Variants in VWA3B observed in about 807,000 individuals in gnomAD.
VWA3B encodes von Willebrand factor A domain containing 3B.
VWA3B carries 138 observed loss-of-function variants against 158.3 expected under a neutral mutation model. The observed-to-expected ratio is 0.87, with a 90% CI of 0.76 to 1.00. VWA3B has a LOEUF of 1.00. Among genes scored for constraint, VWA3B ranks in the 50% least tolerant of loss-of-function variants. The pLI is 0.00. For missense variants in VWA3B, 1,555 were observed against 1,565.1 expected, an observed-to-expected ratio of 0.99 and a Z score of 0.11; for synonymous variants, 596 against 587.3, an observed-to-expected ratio of 1.01 and a Z score of -0.21.
Position 98,221,438 on chromosome 2 carries a change from G to A in VWA3B, c.2019+3410G>A, listed in dbSNP as rs554489787. Among the ~76,000 whole-genome samples, 4 of 152,326 alleles carry A rather than the reference G, an allele frequency of 2.6e-5. No individual in the cohort carries two copies. In the South Asian group the frequency reaches 8.3e-4, roughly 32 times the overall value. ...CTGCATCCCCTCCCCTGGGATTTCA[G>A]TGGTGCCAAACAGGGAGTTAATCTT... is the stretch of plus-strand genomic sequence containing the variant. On this transcript the variant is annotated intron_variant, in intron 14 of 27. Transcript: ENST00000477737.
In VWA3B at chr2:98,228,352, T is replaced by C. The variant is rs201759387; in HGVS notation, c.2150+20T>C. 16 of 1,607,860 alleles carry C rather than the reference T, an allele frequency of 1.0e-5. No homozygotes were observed. Among genetic ancestry groups the C allele is most frequent in the Non-Finnish European group, 1.3e-5 (15 of 1,176,870 alleles). On this transcript the variant is annotated intron_variant, in intron 15 of 27. Transcript: ENST00000477737. The stretch of plus-strand genomic sequence containing the variant: ...CAGCAAGTGAGCACCTCTGCCCGCC[T>C]GTCTCCCTGCGCTGAGGCCTCTTGA...
chr2:98,219,240 A>C (rs987652214), intron 14 of VWA3B, among the ~76,000 whole-genome samples: 13 of 152,228 alleles, frequency 8.5e-5, no homozygotes, highest in African/African-American at 3.1e-4. Context: ...TTAGAGCATT[A>C]AAACTGTTCT....
At chr2:98,090,080 T>C (rs1682168901) in intron 1 of VWA3B, among the ~76,000 whole-genome samples, 1 of 152,092 alleles carries the variant, frequency 6.6e-6, no homozygotes, top group African/African-American at 2.4e-5. Flanking sequence ...TTGTAGGAGG[T>C]GGGTGTGTTT....
chr2:98,108,999 T>C (rs562430069), intron 2 of VWA3B, among the ~76,000 whole-genome samples: 33 of 150,402 alleles, frequency 2.2e-4, no homozygotes, highest in South Asian at 1.0e-3. Context: ...CTTTTCTTTT[T>C]TTTTTTTTTT....
At chr2:98,101,060 G>C (rs559849282) in intron 2 of VWA3B, among the ~76,000 whole-genome samples, 1 of 152,206 alleles carries the variant, frequency 6.6e-6, no homozygotes, top group African/African-American at 2.4e-5. Flanking sequence ...TTTACTGATA[G>C]CCCAGCCAAT....
chr2:98,322,980 C>T, the VWA3B span, among the ~76,000 whole-genome samples: 1 of 151,342 alleles, frequency 6.6e-6, no homozygotes, highest in Non-Finnish European at 1.5e-5. Flanking sequence ...CGAAAAACAA[C>T]CACACACACA....
rs1182449954 is a variant in VWA3B, at chr2:98,236,585, T to C, written c.2528T>C (p.Val843Ala). ...CCTTGTGTTCTTAGTTCTTCAGATGTGTCTTCAGAAAACTGGCTGAAGACC... is the reference window on the plus strand; with the variant it reads ...CCTTGTGTTCTTAGTTCTTCAGATGCGTCTTCAGAAAACTGGCTGAAGACC... ...SQVYDHDSSD[V>A]SSENWLKTYG... The change falls in exon 19 of 28, where the codon GTG becomes GCG. Residue 843 changes from valine (V) to alanine (A), a missense_variant. Physicochemically the swap from Val to Ala is moderately conservative, Grantham distance 64. Transcript: ENST00000477737. The C allele has an allele frequency of 6.2e-7, 1 of 1,614,220 alleles. No individual in the cohort carries two copies. The highest frequency in any genetic ancestry group is 1.1e-5 in the South Asian group (1 of 91,074).
In VWA3B at chr2:98,131,736, C is replaced by T. The variant is rs183771931; in HGVS notation, c.873-2088C>T. ...ATACAGAGGCCAGGCTTCACCTTGC[C>T]GGCTCATTCCACGTCATAGAGAGAG... is the stretch of plus-strand genomic sequence containing the variant. On this transcript the variant is annotated intron_variant, in intron 6 of 27. Coordinates refer to ENST00000477737, the MANE Select transcript of VWA3B (RefSeq NM_144992.5). Among the ~76,000 whole-genome samples, 4 of 152,208 alleles carry T rather than the reference C, an allele frequency of 2.6e-5. No individual in the cohort carries two copies. In the East Asian group the frequency reaches 7.7e-4, roughly 29 times the overall value.
intron 26 of VWA3B, among the ~76,000 whole-genome samples, chr2:98,310,683 A>G (rs566247789): frequency 6.6e-6 from 1 of 152,328 alleles, no homozygotes; most frequent in African/African-American, 2.4e-5. Flanking sequence ...GTACCCTTGA[A>G]GCATGATTCC....
chr2:98,219,566 A>C (rs1341025160), intron 14 of VWA3B, among the ~76,000 whole-genome samples: 6 of 152,252 alleles, frequency 3.9e-5, no homozygotes, highest in African/African-American at 1.4e-4. Context: ...GATTATGGCT[A>C]TAAACACACA....
At chr2:98,279,066 G>A (rs1204916594) in intron 22 of VWA3B, among the ~76,000 whole-genome samples, 4 of 152,152 alleles carry the variant, frequency 2.6e-5, no homozygotes, top group African/African-American at 9.7e-5. Context: ...GAGTGAAGCT[G>A]AAATCCCAGA....
At chr2:98,224,044 C>A (rs542292614) in intron 14 of VWA3B, among the ~76,000 whole-genome samples, 26 of 152,242 alleles carry the variant, frequency 1.7e-4, no homozygotes, top group African/African-American at 5.5e-4. Flanking sequence ...ACAAAACTAT[C>A]CTTCAAGGAT....
At chr2:98,170,281 A>C (rs1679471320) in intron 8 of VWA3B, among the ~76,000 whole-genome samples, 1 of 152,234 alleles carries the variant, frequency 6.6e-6, no homozygotes, top group Non-Finnish European at 1.5e-5. Context: ...AGAAATCATT[A>C]GTCGAATCAC....
At chr2:98,114,611 C>A (rs1321126807) in intron 2 of VWA3B, among the ~76,000 whole-genome samples, 4 of 152,180 alleles carry the variant, frequency 2.6e-5, no homozygotes, top group African/African-American at 4.8e-5. Context: ...CAAGTACCAC[C>A]ATTCTGTCTC....
chr2:98,247,687 T>G (rs1574189355), intron 19 of VWA3B, among the ~76,000 whole-genome samples: 1 of 152,132 alleles, frequency 6.6e-6, no homozygotes, highest in African/African-American at 2.4e-5. Flanking sequence ...TTGTTTGAGT[T>G]GCTTTTAAGA....
intron 19 of VWA3B, among the ~76,000 whole-genome samples, chr2:98,243,500 A>AT (rs1314948357): frequency 6.6e-6 from 1 of 151,734 alleles, no homozygotes. Context: ...TGCCTGACTA[A>AT]TTTTTTTGTA....
intron 7 of VWA3B, among the ~76,000 whole-genome samples, chr2:98,154,660 C>T (rs1677909665): frequency 6.6e-6 from 1 of 152,216 alleles, no homozygotes; most frequent in Non-Finnish European, 1.5e-5. Flanking sequence ...GTGCAATCAG[C>T]TCCTTAGAAT....
intron 23 of VWA3B, among the ~76,000 whole-genome samples, chr2:98,293,359 T>C (rs191620054): frequency 1.4e-3 from 217 of 152,370 alleles, no homozygotes; most frequent in Non-Finnish European, 2.6e-3. Flanking sequence ...TTTTGATTAG[T>C]GTCTAAGTAG....
At chr2:98,201,259 C>A (rs1012902795) in intron 12 of VWA3B, among the ~76,000 whole-genome samples, 1 of 152,036 alleles carries the variant, frequency 6.6e-6, no homozygotes, top group African/African-American at 2.4e-5. Flanking sequence ...TTATTTGGGT[C>A]TTTTTTGTTA....
Sources: allele counts gnomAD v4.1 joint callset (sites outside exome capture counted in the v4.1 genomes callset), GRCh38; gene constraint gnomAD v4.1.1; transcripts MANE v1.5; gene names NCBI Gene and HGNC (gene_info 2026-07-23, HGNC 2026-07-21).